Variants in HDGFL3 observed in about 807,000 individuals in gnomAD.
HDGFL3 encodes the protein hepatoma-derived growth factor-related protein 3.
HDGFL3 carries 6 observed loss-of-function variants against 27.6 expected under a neutral mutation model. The observed-to-expected ratio is 0.22, with a 90% CI of 0.12 to 0.43. The LOEUF is 0.43. Ranked by LOEUF, HDGFL3 falls within the 20% of genes least tolerant of loss-of-function variation. HDGFL3 has a pLI of 1.00. For missense variants in HDGFL3, 207 were observed against 250.1 expected (o/e 0.83, Z 1.16); for synonymous variants, 88 against 88.9 (o/e 0.99, Z 0.05).
chr15:83,207,462 G>C lies in HDGFL3; in HGVS notation c.-48C>G. ...AGTCCTTGGTCGCCGCGAAGATGCC[G>C]GGAGGCCGCCCCCCCGCGGGCCGAC... On this transcript the variant is annotated 5_prime_UTR_variant, in exon 1 of 6. Transcript: ENST00000299633. The surrounding 1 kb of genome is among the most constrained non-coding windows in gnomAD (Gnocchi z 4.8). The C allele has an allele frequency of 1.6e-6, 2 of 1,242,218 alleles. No individual in the cohort carries two copies. The highest frequency in any genetic ancestry group is 2.0e-6 in the Non-Finnish European group (2 of 979,266). The allele number at this position is 1,242,218 out of a possible 1,614,324, so 76.9% of individuals were successfully genotyped here.
chr15:83,197,844 C>T (rs1472520190), intron 1 of HDGFL3, among the ~76,000 whole-genome samples: 2 of 151,748 alleles, frequency 1.3e-5, no homozygotes, highest in Non-Finnish European at 2.9e-5. Context: ...GACCAGCCTG[C>T]CCAACATGGC....
exon 4 of HDGFL3, chr15:83,114,100 A>G (rs1486221929): frequency 6.6e-6 from 1 of 152,402 alleles, no homozygotes; most frequent in Non-Finnish European, 1.5e-5. Flanking sequence ...GGCTCTCTCC[A>G]CTAGCCTGTG....
chr15:83,195,019 T>C (rs936562936), intron 1 of HDGFL3, among the ~76,000 whole-genome samples: 1 of 152,188 alleles, frequency 6.6e-6, no homozygotes, highest in Non-Finnish European at 1.5e-5. Context: ...TAAGACTATA[T>C]AGTTGTATTA....
intron 1 of HDGFL3, chr15:83,169,158 A>T (rs1231768138): frequency 2.3e-6 from 1 of 436,960 alleles, no homozygotes; most frequent in East Asian, 7.5e-5. Context: ...AGCCAATATC[A>T]TACCAAACAG....
At chr15:83,155,538 C>T (rs1246533236) in intron 4 of HDGFL3, among the ~76,000 whole-genome samples, 1 of 152,156 alleles carries the variant, frequency 6.6e-6, no homozygotes, top group Non-Finnish European at 1.5e-5. Context: ...AAAGTAATTA[C>T]AATGGAAGAT....
At chr15:83,169,740 C>T (rs2151409410) in intron 1 of HDGFL3, among the ~76,000 whole-genome samples, 1 of 152,052 alleles carries the variant, frequency 6.6e-6, no homozygotes, top group East Asian at 1.9e-4. Flanking sequence ...GGCAAGGTTG[C>T]AGTAAGCCGA....
intron 5 of HDGFL3, among the ~76,000 whole-genome samples, chr15:83,150,455 C>T (rs2036949785): frequency 6.6e-6 from 1 of 151,988 alleles, no homozygotes; most frequent in Non-Finnish European, 1.5e-5. Flanking sequence ...AATCATAATA[C>T]TTTGGGAGTA....
chr15:83,167,938 C>CA (rs1264829707), intron 1 of HDGFL3, among the ~76,000 whole-genome samples: 15 of 152,122 alleles, frequency 9.9e-5, no homozygotes, highest in South Asian at 2.1e-4. Context: ...AAATAAAAGA[C>CA]AAAAAATCAT....
chr15:83,113,079 G>A, exon 4 of HDGFL3: 1 of 613,288 alleles, frequency 1.6e-6, no homozygotes, highest in East Asian at 2.8e-5. Context: ...CTCAGGCAGT[G>A]GACTCCACCC....
chr15:83,197,339 G>A (rs1040257109), intron 1 of HDGFL3, among the ~76,000 whole-genome samples: 1 of 152,146 alleles, frequency 6.6e-6, no homozygotes, highest in Non-Finnish European at 1.5e-5. Flanking sequence ...ATGTGAGTCA[G>A]TGAGCCAGAT....
At chr15:83,163,899 A>G in intron 2 of HDGFL3, 100 bp downstream of exon 2, 1 of 785,478 alleles carries the variant, frequency 1.3e-6, no homozygotes, top group Non-Finnish European at 2.1e-6. Context: ...ATAACTGATT[A>G]TAATGATTTT....
downstream of HDGFL3, among the ~76,000 whole-genome samples, chr15:83,126,590 G>T (rs1341595145): frequency 6.6e-6 from 1 of 152,108 alleles, no homozygotes; most frequent in African/African-American, 2.4e-5. Flanking sequence ...AGTCTCCTTA[G>T]AACAAATCTG....
downstream of HDGFL3, chr15:83,124,853 GT>G: frequency 5.4e-6 from 7 of 1,308,164 alleles, no homozygotes; most frequent in Admixed American, 1.8e-5. Flanking sequence ...TTAGAAATAT[GT>G]TTTTGTTTTT....
chr15:83,184,729 A>G (rs2037419393), intron 1 of HDGFL3: 1 of 152,210 alleles, frequency 6.6e-6, no homozygotes, highest in Non-Finnish European at 1.5e-5. Flanking sequence ...TACCCAGGGC[A>G]GATGTCTTCA....
In HDGFL3 at chr15:83,142,061, T is replaced by C. The variant is rs561503477; in HGVS notation, c.607-2786A>G. On this transcript the variant is annotated intron_variant, in intron 5 of 5. Transcript: ENST00000299633. ...TTGCAGAGAAAAGGGAACGCTTATA[T>C]GCTGTTGGTGGGAGTGTAAATTAGT... 5.4e-4 allele frequency among the ~76,000 whole-genome samples: 82 copies of C among 152,308 alleles called. No individual in the cohort carries two copies. The East Asian group carries it at 0.015, about 28-fold the overall frequency.
rs1567168933 is a variant in HDGFL3 at position 83,157,481 on chromosome 15, T to G, written c.393A>C (p.Glu131Asp). The G allele has an allele frequency of 1.2e-6, 2 of 1,613,188 alleles. No homozygotes were observed. The highest frequency in any genetic ancestry group is 1.7e-6 in the Non-Finnish European group (2 of 1,179,122). The change falls in exon 4 of 6, where the codon GAA (glutamate) becomes GAC (aspartate). Residue 131 changes from glutamate (E) to aspartate (D), a missense_variant. By Grantham distance (45) the Glu-to-Asp change is conservative. Transcript: ENST00000299633. ...CATTCTTTCTTTTGCCTTTTCCATCTTCTTCTACTCTATCACCTTCTTCCT... is the reference window on the plus strand; with the variant it reads ...CATTCTTTCTTTTGCCTTTTCCATCGTCTTCTACTCTATCACCTTCTTCCT... ...SSEEEGDRVE[E>D]DGKGKRKNEK... is the part of the protein sequence containing the mutation.
At chr15:83,127,501 A>G (rs1286689335), downstream of HDGFL3, 14 of 1,611,824 alleles carry the variant, frequency 8.7e-6, no homozygotes, top group Non-Finnish European at 1.2e-5. Flanking sequence ...TCTGTTGAGA[A>G]GGTTTACTTG....
exon 4 of HDGFL3, chr15:83,115,680 C>A: frequency 2.9e-6 from 2 of 701,148 alleles, no homozygotes; most frequent in Non-Finnish European, 2.6e-6. Flanking sequence ...AGGTGGAGGT[C>A]CAGCTGGGTG....
At chr15:83,150,750 G>C (rs1302880894) in intron 5 of HDGFL3, among the ~76,000 whole-genome samples, 1 of 151,902 alleles carries the variant, frequency 6.6e-6, no homozygotes, top group Non-Finnish European at 1.5e-5. Context: ...TGTCCCTAGG[G>C]GTACTTTAAA....
Sources: allele counts gnomAD v4.1 joint callset (sites outside exome capture counted in the v4.1 genomes callset), GRCh38; gene constraint gnomAD v4.1.1; non-coding constraint Gnocchi (gnomAD v3.1); transcripts MANE v1.5; gene names NCBI Gene and HGNC (gene_info 2026-07-23, HGNC 2026-07-21).